GPR179: variants seen among roughly 807,000 people sequenced by gnomAD.
GPR179 encodes G protein-coupled receptor 179.
GPR179 carries 52 observed loss-of-function variants against 70.8 expected under a neutral mutation model. That is an observed-to-expected ratio of 0.73 (90% CI 0.59 to 0.93). The LOEUF (loss-of-function observed/expected upper bound fraction) is 0.93, where lower values mean the gene tolerates loss of function less well. Among genes scored for constraint, GPR179 ranks in the 40% least tolerant of loss-of-function variants. The probability of loss-of-function intolerance (pLI) is 0.00; values close to 1 mark genes in which losing one functional copy is unlikely to be tolerated. For missense variants in GPR179, 2,734 were observed against 2,966.8 expected, an observed-to-expected ratio of 0.92 and a Z score of 1.82; for synonymous variants, 1,123 against 1,169.0, an observed-to-expected ratio of 0.96 and a Z score of 0.80.
chr17:38,327,572 TG>T lies in GPR179; in HGVS notation c.5996del (p.Pro1999HisfsTer25). Reference sequence around the variant, plus strand: ...ACACACCTGCATCAGGAACATCCCATGGGCACACGTCAGCGGCCCTGCCCCC... The same window carrying T: ...ACACACCTGCATCAGGAACATCCCATGGCACACGTCAGCGGCCCTGCCCCC... ...STGGRAADVCPWDVPDAGVYK... is the reference protein window; with the variant it reads ...STGGRAADVCXWDVPDAGVYK... On this transcript the variant is annotated frameshift_variant, in exon 11 of 11. Coordinates refer to ENST00000616987, the MANE Select transcript of GPR179 (RefSeq NM_001004334.4). LOFTEE classifies it low-confidence loss of function (END_TRUNC). The T allele has an allele frequency of 3.1e-6, 5 of 1,614,160 alleles. No homozygotes were observed. Among genetic ancestry groups the T allele is most frequent in the Non-Finnish European group, 4.2e-6 (5 of 1,180,042 alleles).
Position 38,329,518 on chromosome 17 carries a change from C to G in GPR179, c.4051G>C (p.Asp1351His). 26 of 1,614,084 alleles carry G rather than the reference C, an allele frequency of 1.6e-5. No homozygotes were observed. Among genetic ancestry groups the G allele is most frequent in the Non-Finnish European group, 2.2e-5 (26 of 1,180,004 alleles). ...GRIRDKSEAG[D>H]SVEARKVEKP... is the part of the protein sequence containing the mutation. The stretch of plus-strand genomic sequence containing the variant: ...TCCACCTTCCTGGCCTCCACACTGT[C>G]CCCCGCCTCAGATTTGTCTCTGATT... Residue 1351 changes from aspartate to histidine, a missense_variant, in exon 11 of 11, where the codon GAC (aspartate) becomes CAC (histidine). Coordinates refer to ENST00000616987, the MANE Select transcript of GPR179 (RefSeq NM_001004334.4).
At chr17:38,337,464 A>G (rs1597668377) in intron 3 of GPR179, among the ~76,000 whole-genome samples, 169 bp downstream of exon 3, 1 of 151,808 alleles carries the variant, frequency 6.6e-6, no homozygotes. Context: ...AGGTGTAGAC[A>G]CCCCCACACT....
chr17:38,336,249 C>CT, intron 4 of GPR179, 105 bp from the exon 5 acceptor site: 1 of 796,248 alleles, frequency 1.3e-6, no homozygotes, highest in Middle Eastern at 2.3e-4. Flanking sequence ...TAAGGCTTCA[C>CT]CCTGTAACAC....
intron 1 of GPR179, among the ~76,000 whole-genome samples, chr17:38,342,529 G>A (rs1295647289): frequency 1.3e-5 from 2 of 152,056 alleles, no homozygotes; most frequent in Admixed American, 6.5e-5. Flanking sequence ...AGTAGAGATG[G>A]GGTTTCTCCA....
chr17:38,342,117 GA>G (rs376736296), intron 1 of GPR179, among the ~76,000 whole-genome samples: 11,636 of 146,436 alleles, frequency 0.079, 583 homozygotes, highest in South Asian at 0.14. Context: ...ACTCTGTCTT[GA>G]AAAAAAAAAA....
chr17:38,328,199 T>C lies in GPR179; in HGVS notation c.5370A>G (p.Glu1790=). 6.2e-7 allele frequency: 1 copy of C among 1,613,222 alleles called. No homozygotes were observed. The highest frequency in any genetic ancestry group is 8.5e-7 in the Non-Finnish European group (1 of 1,179,920). ...CTGGCCTGCAGCCCATATGATCCAG[T>C]TCCTGGAACCCAGCTTTTGGTCCAT... ...DADGPKAGFQ[E]LDHMGCRPGE... is the part of the protein sequence containing the mutation. The change falls in exon 11 of 11, where the codon GAA becomes GAG. Residue 1790 remains glutamate (E), a synonymous_variant. Transcript: ENST00000616987.
chr17:38,340,688 C>T (rs1276564346), intron 1 of GPR179, among the ~76,000 whole-genome samples: 3 of 152,166 alleles, frequency 2.0e-5, no homozygotes, highest in African/African-American at 7.2e-5. Context: ...GAGGCCGAGG[C>T]AGGTGCATAA....
chr17:38,326,435 C>A lies in GPR179; in HGVS notation c.*30G>T. 6.6e-7 allele frequency: 1 copy of A among 1,517,246 alleles called. No homozygotes were observed. The highest frequency in any genetic ancestry group is 9.0e-7 in the Non-Finnish European group (1 of 1,115,986). The allele number at this position is 1,517,246 out of a possible 1,614,324, so 94.0% of individuals were successfully genotyped here. Reference sequence around the variant, plus strand: ...AAGGGCCTTGGCTCCTGAAAGCTAGCTCTGTGTTTGACCTCACCTAATAAG... The same window carrying A: ...AAGGGCCTTGGCTCCTGAAAGCTAGATCTGTGTTTGACCTCACCTAATAAG... On this transcript the variant is annotated 3_prime_UTR_variant, in exon 11 of 11. Coordinates refer to ENST00000616987, the MANE Select transcript of GPR179 (RefSeq NM_001004334.4).
chr17:38,329,217 C>T lies in GPR179; in HGVS notation c.4352G>A (p.Cys1451Tyr). Residue 1451 changes from cysteine to tyrosine, a missense_variant, in exon 11 of 11, where the codon TGT becomes TAT. By Grantham distance (194) the Cys-to-Tyr change is radical (BLOSUM62 -2). Transcript: ENST00000616987. ...AATGCCACTGCCCAAACTCCCTGAA[C>T]ACTCTGAGCTTCCTGGGGCCTGAAT... ...VSIQAPGSSE[C>Y]SGSLGSGIAE... 1.2e-6 allele frequency: 2 copies of T among 1,613,990 alleles called. No homozygotes were observed. The highest frequency in any genetic ancestry group is 1.7e-6 in the Non-Finnish European group (2 of 1,179,930).
At chr17:38,333,867 C>G (rs2037380250) in intron 9 of GPR179, 66 bp downstream of exon 9, 1 of 1,276,758 alleles carries the variant, frequency 7.8e-7, no homozygotes, top group Non-Finnish European at 1.1e-6. Context: ...TGCGGGACAA[C>G]CGCTCCACAG....
chr17:38,329,661 A>G lies in GPR179; in HGVS notation c.3908T>C (p.Val1303Ala), dbSNP rs2037331471. 2 of 1,613,894 alleles carry G rather than the reference A, an allele frequency of 1.2e-6. No individual in the cohort carries two copies. Among genetic ancestry groups the G allele is most frequent in the Admixed American group, 3.3e-5 (2 of 59,992 alleles). ...ARGKSEPIDV[V>A]PMMRKKPERL... ...CTCTGGCTTTTTCCGCATCATGGGA[A>G]CCACATCTATGGGCTCTGATTTTCC... The change falls in exon 11 of 11, where the codon GTT (valine) becomes GCT (alanine). Residue 1303 changes from valine (V) to alanine (A), a missense_variant. Val to Ala is a moderately conservative substitution (Grantham distance 64). Coordinates refer to ENST00000616987, the MANE Select transcript of GPR179 (RefSeq NM_001004334.4).
intron 2 of GPR179, 69 bp downstream of exon 2, chr17:38,339,348 G>T: frequency 1.1e-6 from 1 of 950,534 alleles, no homozygotes. Flanking sequence ...GGAGCTGCAT[G>T]GTGGCGGTGA....
chr17:38,337,493 C>A, intron 3 of GPR179, 140 bp downstream of exon 3: 1 of 765,274 alleles, frequency 1.3e-6, no homozygotes. Flanking sequence ...CTTGCCTCTC[C>A]TGCCTCTCTC....
At position 38,326,858 on chromosome 17, in the gene GPR179, G is replaced by A. The variant is rs958350617; in HGVS notation, c.6711C>T (p.Thr2237=). ...CCTCCCCAGGACAGATGTCTGCCAT[G>A]GTACCCTTTATTTTATTTCCTTCTG... ...TDPEGNKIKG[T]MADICPGEET... Residue 2237 remains threonine (T), a synonymous_variant, in exon 11 of 11, where the codon ACC becomes ACT. Coordinates refer to ENST00000616987, the MANE Select transcript of GPR179 (RefSeq NM_001004334.4). 1.2e-6 allele frequency: 2 copies of A among 1,614,070 alleles called. No homozygotes were observed. The highest frequency in any genetic ancestry group is 2.7e-5 in the African/African-American group (2 of 74,934).
Position 38,335,614 on chromosome 17 carries a change from G to C in GPR179, c.1383C>G (p.Gly461=). ...VRLLGFAIVY[G]TIILKLYRVL... ...ACCTGTAAAGCTTGAGTATGATGGT[G>C]CCGTAGACGATGGCAAAACCCAGCA... The change falls in exon 6 of 11, where the codon GGC becomes GGG. Residue 461 remains glycine (G), a synonymous_variant. Transcript: ENST00000616987. The C allele has an allele frequency of 6.2e-7, 1 of 1,613,348 alleles. No homozygotes were observed. Among genetic ancestry groups the C allele is most frequent in the Non-Finnish European group, 8.5e-7 (1 of 1,179,282 alleles).
chr17:38,328,943 G>A lies in GPR179; in HGVS notation c.4626C>T (p.Val1542=). 1.9e-6 allele frequency: 3 copies of A among 1,614,050 alleles called. No individual in the cohort carries two copies. The highest frequency in any genetic ancestry group is 2.5e-6 in the Non-Finnish European group (3 of 1,179,994). The change falls in exon 11 of 11, where the codon GTC becomes GTT. Residue 1542 remains valine (V), a synonymous_variant. Coordinates refer to ENST00000616987, the MANE Select transcript of GPR179 (RefSeq NM_001004334.4). ...QESVCPREST[V]PGHSSPCLDN... is the part of the protein sequence containing the mutation. ...CTAGACATGGGCTGGAGTGCCCAGGGACCGTGCTCTCCCTGGGACAAACTG... is the reference window on the plus strand; with the variant it reads ...CTAGACATGGGCTGGAGTGCCCAGGAACCGTGCTCTCCCTGGGACAAACTG...
chr17:38,343,948 TTTC>T lies in GPR179; in HGVS notation c.-162_-160del. The T allele has an allele frequency of 3.3e-6, 2 of 609,576 alleles. No individual in the cohort carries two copies. Among genetic ancestry groups the T allele is most frequent in the Non-Finnish European group, 5.5e-6 (2 of 366,134 alleles). 37.8% of individuals were successfully genotyped at this position (609,576 alleles called of 1,614,324 possible). ...ACGCTGGTGCCAGCTCGCCTGCTTT[TTTC>T]TTCTCTCTAACGTCACCAGCTGGCT... On this transcript the variant is annotated 5_prime_UTR_variant, in exon 1 of 11. Transcript: ENST00000616987. The surrounding 1 kb of genome is among the most constrained non-coding windows in gnomAD (Gnocchi z 4.2).
Position 38,330,864 on chromosome 17 carries a change from G to A in GPR179, c.2705C>T (p.Pro902Leu). Residue 902 changes from proline to leucine, a missense_variant, in exon 11 of 11, where the codon CCA becomes CTA. By Grantham distance (98) the Pro-to-Leu change is moderately conservative (BLOSUM62 -3). Coordinates refer to ENST00000616987, the MANE Select transcript of GPR179 (RefSeq NM_001004334.4). ...ERPRGAPLSA[P>L]PSPAKSSSVD... ...GCTGCTGCTCTTGGCAGGGGAAGGT[G>A]GAGCTGACAGGGGGGCCCCTCGAGG... 1 of 1,601,014 alleles carries A rather than the reference G, an allele frequency of 6.2e-7. No homozygotes were observed. The highest frequency in any genetic ancestry group is 2.3e-5 in the East Asian group (1 of 44,396).
In GPR179 at chr17:38,335,207, G is replaced by A. The variant is rs1416859440; in HGVS notation, c.1471C>T (p.Leu491=). The change falls in exon 7 of 11, where the codon CTG becomes TTG. Residue 491 remains leucine, a synonymous_variant. Transcript: ENST00000616987. The part of the protein sequence containing the change: ...RSALLSSGRL[L]RHLGLLLLPV... ...AGCAGGAGCAGCCCCAGGTGCCGCA[G>A]CAGCCGCCCGCTGCTCAGAAGGGCA... 7 of 1,555,886 alleles carry A rather than the reference G, an allele frequency of 4.5e-6. No homozygotes were observed. Among genetic ancestry groups the A allele is most frequent in the Non-Finnish European group, 6.1e-6 (7 of 1,149,948 alleles).
Sources: gnomAD v4.1 joint callset for allele counts (sites outside exome capture counted in the v4.1 genomes callset) on GRCh38, gnomAD v4.1.1 for gene constraint, Gnocchi (gnomAD v3.1) non-coding constraint, MANE v1.5 for transcripts, NCBI Gene and HGNC (gene_info 2026-07-23, HGNC 2026-07-21) for gene names.